Variants in PCDH17 observed in about 807,000 individuals in gnomAD.
PCDH17 encodes the protein protocadherin-17.
In PCDH17, 21 loss-of-function variants were observed where a neutral mutation model predicts 67.7. The observed-to-expected ratio is 0.31, with a 90% confidence interval of 0.22 to 0.45. PCDH17 has a LOEUF of 0.45. PCDH17 is among the 20% of genes least tolerant of loss of function. The probability of loss-of-function intolerance (pLI) is 1.00; values close to 1 mark genes in which losing one functional copy is unlikely to be tolerated. For missense variants in PCDH17, 1,471 were observed against 1,564.8 expected, an observed-to-expected ratio of 0.94 and a Z score of 1.01; for synonymous variants, 701 against 656.7, an observed-to-expected ratio of 1.07 and a Z score of -1.03.
chr13:57,690,501 GT>G (rs1325728458), intron 3 of PCDH17, among the ~76,000 whole-genome samples: 2 of 151,630 alleles, frequency 1.3e-5, no homozygotes, highest in Non-Finnish European at 3.0e-5. Context: ...GTGTAAGGGA[GT>G]TCAAGTTTTA....
intron 3 of PCDH17, among the ~76,000 whole-genome samples, chr13:57,720,048 A>G (rs775931721): frequency 2.0e-5 from 3 of 152,048 alleles, no homozygotes; most frequent in Non-Finnish European, 4.4e-5. Flanking sequence ...TTAAAAGCAG[A>G]TAATTTGATG....
intron 3 of PCDH17, among the ~76,000 whole-genome samples, chr13:57,691,468 A>C (rs532127560): frequency 6.6e-6 from 1 of 151,300 alleles, no homozygotes; most frequent in East Asian, 1.9e-4. Context: ...GGAGGAGACC[A>C]AAAAAACATA....
chr13:57,692,755 A>G (rs1182232331), intron 3 of PCDH17, among the ~76,000 whole-genome samples: 1 of 151,180 alleles, frequency 6.6e-6, no homozygotes, highest in Non-Finnish European at 1.5e-5. Flanking sequence ...GGGGAGAAGA[A>G]AAGCTTGGTT....
intron 3 of PCDH17, among the ~76,000 whole-genome samples, chr13:57,687,014 G>A (rs548575298): frequency 6.6e-6 from 1 of 152,058 alleles, no homozygotes; most frequent in Non-Finnish European, 1.5e-5. Flanking sequence ...CTAAGTATTA[G>A]AAGTGAAATA....
At chr13:57,657,610 C>T (rs905352493) in intron 1 of PCDH17, among the ~76,000 whole-genome samples, 2 of 152,148 alleles carry the variant, frequency 1.3e-5, no homozygotes, top group Admixed American at 1.3e-4. Flanking sequence ...TCTTAACACT[C>T]CCTTGTGTTC....
intron 1 of PCDH17, among the ~76,000 whole-genome samples, chr13:57,660,653 A>G (rs1955171527): frequency 6.6e-6 from 1 of 152,200 alleles, no homozygotes; most frequent in Non-Finnish European, 1.5e-5. Context: ...TATCACTTTA[A>G]AAGCTTCCTT....
chr13:57,654,894 C>T (rs748178353), intron 1 of PCDH17, among the ~76,000 whole-genome samples: 7 of 151,706 alleles, frequency 4.6e-5, no homozygotes, highest in Non-Finnish European at 1.0e-4. Context: ...TTGGAAATAT[C>T]TTTTCCTATG....
rs759251217 is a variant in PCDH17, at chr13:57,634,411, G to A, written c.1865G>A (p.Arg622His). The A allele has an allele frequency of 4.3e-6, 7 of 1,612,756 alleles. No individual in the cohort carries two copies. In the South Asian group the frequency reaches 6.6e-5, roughly 15 times the overall value. Residue 622 changes from arginine to histidine, a missense_variant, in exon 1 of 4, where the codon CGT becomes CAT. Physicochemically the swap from Arg to His is conservative, Grantham distance 29 (BLOSUM62 0). Around this residue, in one of 3 missense-constraint regions of PCDH17, gnomAD observed 1,163 missense variants for 1,230.0 expected, o/e 0.95. Transcript: ENST00000377918. The surrounding 1 kb of genome is among the most constrained non-coding windows in gnomAD (Gnocchi z 7.8). ...GACAGCGACTTCGGCGAGAGCGGGCGTCTCACCTACGAGATCGTGGACGGC... is the reference window on the plus strand; with the variant it reads ...GACAGCGACTTCGGCGAGAGCGGGCATCTCACCTACGAGATCGTGGACGGC... ...ALDSDFGESG[R>H]LTYEIVDGND...
Position 57,632,407 on chromosome 13 carries a change from C to G in PCDH17, c.-140C>G, listed in dbSNP as rs1207431133. 1.3e-6 allele frequency: 1 copy of G among 787,532 alleles called. No individual in the cohort carries two copies. The highest frequency in any genetic ancestry group is 1.8e-5 in the African/African-American group (1 of 56,862). The allele number at this position is 787,532 out of a possible 1,614,324, so 48.8% of individuals were successfully genotyped here. A position where few individuals can be genotyped will look rare whatever the true frequency, so the allele number is the denominator to read the frequency against. The stretch of plus-strand genomic sequence containing the variant: ...GGAGAGACCACCGGGTGCCGCAGCT[C>G]GGGTGCAGAGGGAAAAAAGGACCCA... On this transcript the variant is annotated 5_prime_UTR_variant, in exon 1 of 4. Coordinates refer to ENST00000377918, the MANE Select transcript of PCDH17 (RefSeq NM_001040429.3).
At chr13:57,678,059 G>A (rs903254140) in intron 3 of PCDH17, among the ~76,000 whole-genome samples, 1 of 151,522 alleles carries the variant, frequency 6.6e-6, no homozygotes, top group East Asian at 2.0e-4. Context: ...GATGTTAAGT[G>A]TTCTCCCTAC....
Position 57,637,449 on chromosome 13 carries a change from T to A in PCDH17, c.2565+2338T>A, listed in dbSNP as rs562629179. On this transcript the variant is annotated intron_variant, in intron 1 of 3. Transcript: ENST00000377918. The stretch of plus-strand genomic sequence containing the variant: ...CTACAGGGACAGTCTTTTTTTTTTT[T>A]AAACTAGTGTGTCGCAAACACACTG... Among the ~76,000 whole-genome samples, 16 of 151,906 alleles carry A rather than the reference T, an allele frequency of 1.1e-4. No individual in the cohort carries two copies. The South Asian group carries it at 1.9e-3, about 18-fold the overall frequency.
intron 1 of PCDH17, among the ~76,000 whole-genome samples, chr13:57,637,543 G>A (rs1954838767): frequency 6.6e-6 from 1 of 151,682 alleles, no homozygotes; most frequent in Admixed American, 6.6e-5. Context: ...GCTTTTATTA[G>A]TGTATATATG....
intron 3 of PCDH17, among the ~76,000 whole-genome samples, chr13:57,679,074 A>G (rs1955422693): frequency 6.6e-6 from 1 of 151,504 alleles, no homozygotes; most frequent in Admixed American, 6.6e-5. Flanking sequence ...CTAATAATAT[A>G]AGTAACCTAT....
intron 1 of PCDH17, among the ~76,000 whole-genome samples, chr13:57,652,542 G>A (rs1181838667): frequency 6.6e-6 from 1 of 152,104 alleles, no homozygotes. Flanking sequence ...TATATAAATT[G>A]TGACTTCTTT....
intron 1 of PCDH17, among the ~76,000 whole-genome samples, chr13:57,649,508 A>G (rs1418222957): frequency 2.0e-5 from 3 of 152,186 alleles, no homozygotes; most frequent in East Asian, 1.9e-4. Flanking sequence ...TGTAAGCCAC[A>G]TAAGACCATG....
chr13:57,677,092 A>G (rs1955399709), intron 3 of PCDH17, among the ~76,000 whole-genome samples: 1 of 151,858 alleles, frequency 6.6e-6, no homozygotes, highest in African/African-American at 2.4e-5. Flanking sequence ...TATATATTGC[A>G]TTTCTGGCAT....
intron 3 of PCDH17, among the ~76,000 whole-genome samples, chr13:57,713,630 A>G (rs1236091257): frequency 6.6e-6 from 1 of 151,680 alleles, no homozygotes; most frequent in Non-Finnish European, 1.5e-5. Flanking sequence ...TTTGGAAACT[A>G]TCATTTTAAT....
At chr13:57,643,383 A>T (rs1009435161) in intron 1 of PCDH17, among the ~76,000 whole-genome samples, 2 of 151,726 alleles carry the variant, frequency 1.3e-5, no homozygotes, top group Admixed American at 6.6e-5. Context: ...TCAAACTTGA[A>T]TAAGTGCTTA....
intron 3 of PCDH17, among the ~76,000 whole-genome samples, chr13:57,723,306 A>G (rs921304826): frequency 6.6e-6 from 1 of 152,168 alleles, no homozygotes; most frequent in African/African-American, 2.4e-5. Flanking sequence ...TTATCTTAAA[A>G]CCTTTTGAGA....
Sources: allele counts gnomAD v4.1 joint callset (sites outside exome capture counted in the v4.1 genomes callset), GRCh38; gene constraint gnomAD v4.1.1; regional missense constraint gnomAD v4.1.1; non-coding constraint Gnocchi (gnomAD v3.1); transcripts MANE v1.5; gene names NCBI Gene and HGNC (gene_info 2026-07-23, HGNC 2026-07-21).